MACF1: variants seen among roughly 807,000 people sequenced by gnomAD.
MACF1 encodes microtubule-actin cross-linking factor 1.
MACF1 carries 193 observed loss-of-function variants against 854.8 expected under a neutral mutation model. That is an observed-to-expected ratio of 0.23 (90% CI 0.20 to 0.25). The LOEUF is 0.25. MACF1 is among the 10% of genes least tolerant of loss of function. The pLI, the probability that MACF1 is intolerant of heterozygous loss-of-function variation, is 1.00. For missense variants in MACF1, 7,722 were observed against 8,929.1 expected, an observed-to-expected ratio of 0.86 and a Z score of 5.45; for synonymous variants, 3,185 against 3,226.7, an observed-to-expected ratio of 0.99 and a Z score of 0.44.
At chr1:39,470,121 T>C (rs752868496) in intron 97 of MACF1, among the ~76,000 whole-genome samples, 6 of 152,236 alleles carry the variant, frequency 3.9e-5, no homozygotes, top group African/African-American at 7.2e-5. Flanking sequence ...TGCATAATTA[T>C]TAAGGTTTAT....
intron 2 of MACF1, among the ~76,000 whole-genome samples, chr1:39,138,551 C>T (rs1352854632): frequency 2.0e-5 from 3 of 150,716 alleles, no homozygotes; most frequent in Non-Finnish European, 4.4e-5. Flanking sequence ...CGCCACTGCA[C>T]TCCAGCCTAG....
At position 39,430,805 on chromosome 1, in the gene MACF1, T is replaced by G; in HGVS notation, c.17234T>G (p.Leu5745Arg). The change falls in exon 66 of 101, where the codon CTG becomes CGG. Residue 5745 changes from leucine to arginine, a missense_variant. By Grantham distance (102) the Leu-to-Arg change is moderately radical. Transcript: ENST00000564288. The stretch of plus-strand genomic sequence containing the variant: ...GTGCCCTGGAGAGCCAGAGAAGGGC[T>G]GGATAAACTTGTGTCCGATGCTAAC... ...ELVPWRAREG[L>R]DKLVSDANEQ... 1 of 1,612,636 alleles carries G rather than the reference T, an allele frequency of 6.2e-7. No individual in the cohort carries two copies. Among genetic ancestry groups the G allele is most frequent in the Non-Finnish European group, 8.5e-7 (1 of 1,180,002 alleles).
At chr1:39,110,138 G>A (rs1642357271) in intron 2 of MACF1, among the ~76,000 whole-genome samples, 1 of 151,932 alleles carries the variant, frequency 6.6e-6, no homozygotes, top group Non-Finnish European at 1.5e-5. Flanking sequence ...TATGGGTTGA[G>A]GATTTGGGAT....
At chr1:39,245,079 A>G (rs978767127) in intron 2 of MACF1, among the ~76,000 whole-genome samples, 2 of 152,206 alleles carry the variant, frequency 1.3e-5, no homozygotes, top group Non-Finnish European at 2.9e-5. Flanking sequence ...ATAATAAGCT[A>G]GTTCTCATCT....
chr1:39,119,232 G>A (rs756664227), intron 2 of MACF1, among the ~76,000 whole-genome samples: 5 of 149,404 alleles, frequency 3.3e-5, no homozygotes, highest in Admixed American at 2.7e-4. Flanking sequence ...CAGGAGAATC[G>A]CTTGAACCCG....
intron 56 of MACF1, among the ~76,000 whole-genome samples, chr1:39,384,859 C>CTACT (rs1650548183): frequency 6.6e-6 from 1 of 152,064 alleles, no homozygotes. Flanking sequence ...CGTGTCTGGC[C>CTACT]TTAGTAACTG....
chr1:39,340,057 ACC>A (rs1646902099), intron 38 of MACF1, among the ~76,000 whole-genome samples: 1 of 152,108 alleles, frequency 6.6e-6, no homozygotes, highest in Non-Finnish European at 1.5e-5. Context: ...TGGTTCCATG[ACC>A]CTGGAATTTA....
At chr1:39,214,513 C>T (rs891794203) in intron 1 of MACF1, among the ~76,000 whole-genome samples, 3 of 152,156 alleles carry the variant, frequency 2.0e-5, no homozygotes, top group Non-Finnish European at 4.4e-5. Context: ...AAGAAGGGGA[C>T]TTTGGAATGC....
intron 44 of MACF1, among the ~76,000 whole-genome samples, chr1:39,356,153 A>T (rs963259119): frequency 4.6e-5 from 7 of 152,202 alleles, no homozygotes; most frequent in African/African-American, 1.7e-4. Flanking sequence ...TCAAAACAAA[A>T]ACTCACAGCT....
chr1:39,435,848 G>A lies in MACF1; in HGVS notation c.17988+87G>A, dbSNP rs1643961636. ...GTATCAGGTATGTCTCTGTGCTCAGGAATGTCCAGAGCAGCATGTTAATAC... is the reference window on the plus strand; with the variant it reads ...GTATCAGGTATGTCTCTGTGCTCAGAAATGTCCAGAGCAGCATGTTAATAC... On this transcript the variant is annotated intron_variant, in intron 70 of 100. Transcript: ENST00000564288. 3 of 1,189,986 alleles carry A rather than the reference G, an allele frequency of 2.5e-6. No individual in the cohort carries two copies. In the South Asian group the frequency reaches 4.2e-5, roughly 16 times the overall value. 73.7% of individuals were successfully genotyped at this position (1,189,986 alleles called of 1,614,324 possible). A position where few individuals can be genotyped will look rare whatever the true frequency, so the allele number is the denominator to read the frequency against.
At chr1:39,362,394 T>C (rs2148520857) in intron 49 of MACF1, among the ~76,000 whole-genome samples, 3 of 152,352 alleles carry the variant, frequency 2.0e-5, no homozygotes, top group Admixed American at 2.0e-4. Context: ...CTTTGAATGA[T>C]TTCAAACTTA....
intron 52 of MACF1, chr1:39,373,262 C>T (rs2148541509): frequency 6.8e-6 from 1 of 147,680 alleles, no homozygotes; most frequent in South Asian, 2.2e-4. Flanking sequence ...CACTGCACTC[C>T]AACTTGGGCA....
intron 24 of MACF1, among the ~76,000 whole-genome samples, chr1:39,309,960 A>G (rs964388421): frequency 2.0e-5 from 3 of 152,252 alleles, no homozygotes; most frequent in Non-Finnish European, 2.9e-5. Context: ...ACTCTGTAAG[A>G]CAATCATGTC....
intron 6 of MACF1, among the ~76,000 whole-genome samples, chr1:39,265,525 C>G (rs993239983): frequency 5.3e-5 from 8 of 152,204 alleles, no homozygotes; most frequent in African/African-American, 1.9e-4. Context: ...TTTAGCCTAT[C>G]TTAAATGTAT....
rs138039241 is a variant in MACF1, at chr1:39,349,538, G to A, written c.10876G>A (p.Gly3626Arg). 3 of 1,614,062 alleles carry A rather than the reference G, an allele frequency of 1.9e-6. No individual in the cohort carries two copies. Among genetic ancestry groups the A allele is most frequent in the African/African-American group, 1.3e-5 (1 of 74,910 alleles). Residue 3626 changes from glycine to arginine, a missense_variant, in exon 42 of 101, where the codon GGA becomes AGA. By Grantham distance (125) the Gly-to-Arg change is moderately radical. Around this residue, in one of 15 missense-constraint regions of MACF1, gnomAD observed 2,807 missense variants for 3,235.8 expected, o/e 0.87. Transcript: ENST00000564288. ...QQLEDLCSWV[G>R]QAERALAGHQ... is the part of the protein sequence containing the mutation. Reference sequence around the variant, plus strand: ...ACTGGAGGATCTTTGCAGTTGGGTAGGACAGGCAGAAAGAGCACTGGCAGG... The same window carrying A: ...ACTGGAGGATCTTTGCAGTTGGGTAAGACAGGCAGAAAGAGCACTGGCAGG...
intron 58 of MACF1, among the ~76,000 whole-genome samples, chr1:39,420,298 C>G (rs1557644952): frequency 1.3e-5 from 2 of 152,244 alleles, no homozygotes; most frequent in East Asian, 3.9e-4. Context: ...CCTTCTTTGC[C>G]TTTTCATTCC....
chr1:39,146,468 A>G (rs573862997), intron 2 of MACF1, among the ~76,000 whole-genome samples: 1 of 152,026 alleles, frequency 6.6e-6, no homozygotes, highest in Admixed American at 6.6e-5. Flanking sequence ...AAAAAAAGAA[A>G]GAAAGAAAGA....
intron 58 of MACF1, among the ~76,000 whole-genome samples, chr1:39,397,283 C>T (rs1369110974): frequency 2.0e-5 from 3 of 152,116 alleles, no homozygotes; most frequent in South Asian, 2.1e-4. Flanking sequence ...TACTGACAGC[C>T]GGGTATGGTG....
chr1:39,283,494 T>G lies in MACF1; in HGVS notation c.894T>G (p.Gly298=). 2 of 1,607,614 alleles carry G rather than the reference T, an allele frequency of 1.2e-6. No homozygotes were observed. Among genetic ancestry groups the G allele is most frequent in the Non-Finnish European group, 1.7e-6 (2 of 1,174,134 alleles). The change falls in exon 9 of 101, where the codon GGT becomes GGG. Residue 298 remains glycine (G), a synonymous_variant. Coordinates refer to ENST00000564288, the MANE Select transcript of MACF1 (RefSeq NM_001394062.1). This position sits in a 1 kb window ranked among gnomAD's most constrained non-coding sequence, Gnocchi z 4.5. ...IYDAFPKVPE[G]GEGISATEVD... ...ATGCCTTCCCTAAAGTTCCTGAGGG[T>G]GGAGAAGGGATCAGTGCTACGGTAA... is the stretch of plus-strand genomic sequence containing the variant.
Sources: allele counts gnomAD v4.1 joint callset (sites outside exome capture counted in the v4.1 genomes callset), GRCh38; gene constraint gnomAD v4.1.1; regional missense constraint gnomAD v4.1.1; non-coding constraint Gnocchi (gnomAD v3.1); transcripts MANE v1.5; gene names NCBI Gene and HGNC (gene_info 2026-07-23, HGNC 2026-07-21).